MUSK: variants seen among roughly 807,000 people sequenced by gnomAD.
The protein encoded by MUSK is muscle associated receptor tyrosine kinase.
In MUSK, 55 loss-of-function variants were observed where a neutral mutation model predicts 88.7. The ratio of observed to expected loss-of-function variants is 0.62; its 90% CI spans 0.50 to 0.78. The LOEUF (loss-of-function observed/expected upper bound fraction) is 0.78, where lower values mean the gene tolerates loss of function less well. MUSK is among the 30% of genes least tolerant of loss of function. The pLI, the probability that MUSK is intolerant of heterozygous loss-of-function variation, is 0.00. For synonymous variants in MUSK, 387 were observed against 391.9 expected, an observed-to-expected ratio of 0.99 and a Z score of 0.15; for missense variants, 1,015 against 1,074.3, an observed-to-expected ratio of 0.94 and a Z score of 0.77.
At chr9:110,710,364 CAGAT>C (rs2076652550) in intron 5 of MUSK, among the ~76,000 whole-genome samples, 2 of 152,122 alleles carry the variant, frequency 1.3e-5, no homozygotes, top group African/African-American at 4.8e-5. Context: ...AAAATGGACT[CAGAT>C]AGCATATTCA....
chr9:110,784,828 G>T lies in MUSK; in HGVS notation c.1398G>T (p.Met466Ile), dbSNP rs769212099. 10 of 1,610,748 alleles carry T rather than the reference G, an allele frequency of 6.2e-6. 1 individual carries two copies. The South Asian group carries it at 1.0e-4, about 16-fold the overall frequency. The change falls in exon 12 of 15, where the codon ATG (methionine) becomes ATT (isoleucine). Residue 466 changes from methionine (M) to isoleucine (I), a missense_variant. Coordinates refer to ENST00000374448, the MANE Select transcript of MUSK (RefSeq NM_005592.4). ...CTTTACTTACAGCATTCCCACCAAT[G>T]ACGTCCTCAAAGCCAAGTGTGGACA... ...NKENLKTFPP[M>I]TSSKPSVDIP... is the part of the protein sequence containing the mutation.
intron 5 of MUSK, among the ~76,000 whole-genome samples, chr9:110,713,107 G>A (rs540664658): frequency 3.0e-4 from 46 of 152,180 alleles, no homozygotes; most frequent in Middle Eastern, 6.8e-3. Flanking sequence ...TGCAAGCACA[G>A]CCTGACACTG....
chr9:110,676,415 C>T (rs3010818), intron 1 of MUSK, among the ~76,000 whole-genome samples: 103,018 of 150,124 alleles, frequency 0.69, 36,536 homozygotes, highest in African/African-American at 0.83. Context: ...TTTTAAGTTC[C>T]GGGGTACAAG....
intron 5 of MUSK, among the ~76,000 whole-genome samples, chr9:110,716,034 C>T (rs924370446): frequency 6.7e-6 from 1 of 149,540 alleles, no homozygotes; most frequent in Non-Finnish European, 1.5e-5. Context: ...GGCTTATTAC[C>T]TAAGTGATGG....
chr9:110,751,540 G>A (rs1468530377), intron 7 of MUSK, among the ~76,000 whole-genome samples: 1 of 152,220 alleles, frequency 6.6e-6, no homozygotes, highest in Non-Finnish European at 1.5e-5. Flanking sequence ...TGCAGCAGCA[G>A]AGGTGAGTGC....
chr9:110,681,110 A>ATATATAATATATATTATATAATATATAT (rs2076125473), intron 1 of MUSK, among the ~76,000 whole-genome samples: 1 of 59,454 alleles, frequency 1.7e-5, no homozygotes, highest in African/African-American at 8.2e-5. Context: ...AATATATATT[A>ATATATAATATATATTATATAATATATAT]TATATAATAT....
chr9:110,676,017 CGTT>C (rs1272318870), intron 1 of MUSK, among the ~76,000 whole-genome samples: 5 of 151,892 alleles, frequency 3.3e-5, no homozygotes, highest in Admixed American at 6.6e-5. Context: ...TTCATTCATT[CGTT>C]GTTTAGAAAA....
chr9:110,714,837 C>G (rs2076724699), intron 5 of MUSK, among the ~76,000 whole-genome samples: 1 of 152,146 alleles, frequency 6.6e-6, no homozygotes, highest in African/African-American at 2.4e-5. Context: ...TAACAGGCAT[C>G]TCCAACTCAG....
chr9:110,784,875 C>G lies in MUSK; in HGVS notation c.1445C>G (p.Ser482Cys), dbSNP rs1320924092. Reference protein sequence around the residue: ...SVDIPNLPSSSSSSFSVSPTY... With the variant: ...SVDIPNLPSSCSSSFSVSPTY... ...GACATTCCAAATCTGCCTTCCTCCT[C>G]CTCTTCTTCCTTCTCTGTCTCACCT... Residue 482 changes from serine (S) to cysteine (C), a missense_variant, in exon 12 of 15, where the codon TCC becomes TGC. By Grantham distance (112) the Ser-to-Cys change is moderately radical. Transcript: ENST00000374448. 3.1e-6 allele frequency: 5 copies of G among 1,613,806 alleles called. No homozygotes were observed. Among genetic ancestry groups the G allele is most frequent in the Non-Finnish European group, 4.2e-6 (5 of 1,179,858 alleles).
chr9:110,717,800 G>A (rs1273410355), intron 5 of MUSK, among the ~76,000 whole-genome samples: 1 of 151,944 alleles, frequency 6.6e-6, no homozygotes, highest in Non-Finnish European at 1.5e-5. Flanking sequence ...TTCTGTCATT[G>A]TAACTATAAT....
At chr9:110,784,595 C>A (rs1412165264) in intron 11 of MUSK, among the ~76,000 whole-genome samples, 4 of 151,756 alleles carry the variant, frequency 2.6e-5, no homozygotes, top group Admixed American at 1.3e-4. Flanking sequence ...AAAAAAAAAA[C>A]CTATTTCCTC....
At chr9:110,742,585 T>G (rs1461782590) in intron 6 of MUSK, among the ~76,000 whole-genome samples, 1 of 152,234 alleles carries the variant, frequency 6.6e-6, no homozygotes, top group East Asian at 1.9e-4. Flanking sequence ...AAGATTCATA[T>G]GAGGTTATAA....
At chr9:110,781,993 C>T (rs980324650) in intron 11 of MUSK, among the ~76,000 whole-genome samples, 2 of 152,138 alleles carry the variant, frequency 1.3e-5, no homozygotes, top group Non-Finnish European at 2.9e-5. Context: ...TAGTGCCAGC[C>T]CTGAACGAGA....
intron 3 of MUSK, among the ~76,000 whole-genome samples, chr9:110,688,876 T>C (rs183512469): frequency 6.6e-6 from 1 of 150,464 alleles, no homozygotes; most frequent in Non-Finnish European, 1.5e-5. Context: ...AATGGGCATT[T>C]AGGTTGTTTG....
chr9:110,727,430 C>T (rs1182977364), intron 5 of MUSK: 1 of 152,046 alleles, frequency 6.6e-6, no homozygotes, highest in Non-Finnish European at 1.5e-5. Context: ...AAATATTCAA[C>T]ACTCACAATT....
Position 110,686,920 on chromosome 9 carries a change from T to G in MUSK, c.207-197T>G, listed in dbSNP as rs186208818. On this transcript the variant is annotated intron_variant, in intron 2 of 14. Coordinates refer to ENST00000374448, the MANE Select transcript of MUSK (RefSeq NM_005592.4). Reference sequence around the variant, plus strand: ...TGAAGGACTATGGTACTTTGACTATTGGAGCCTAAGAAAGATGAGAATATA... The same window carrying G: ...TGAAGGACTATGGTACTTTGACTATGGGAGCCTAAGAAAGATGAGAATATA... Among the ~76,000 whole-genome samples the G allele has an allele frequency of 1.0e-3, 155 of 152,292 alleles. 1 individual carries two copies. The highest frequency in any genetic ancestry group is 3.6e-3 in the African/African-American group (149 of 41,566).
At chr9:110,675,474 G>T (rs1401525209) in intron 1 of MUSK, among the ~76,000 whole-genome samples, 1 of 150,580 alleles carries the variant, frequency 6.6e-6, no homozygotes, top group East Asian at 1.9e-4. Flanking sequence ...GCCCGCCTCG[G>T]CCTCTCAAAG....
At position 110,715,883 on chromosome 9, in the gene MUSK, A is replaced by ACAC. The variant is rs1189812862; in HGVS notation, c.629-18364_629-18362dup. Among the ~76,000 whole-genome samples the ACAC allele has an allele frequency of 2.1e-4, 31 of 149,432 alleles. 2 individuals carry two copies. Among genetic ancestry groups the ACAC allele is most frequent in the African/African-American group, 7.9e-4 (31 of 39,224 alleles). On this transcript the variant is annotated intron_variant, in intron 5 of 14. Coordinates refer to ENST00000374448, the MANE Select transcript of MUSK (RefSeq NM_005592.4). ...AACTAACACAGGAACACAAAACCAA[A>ACAC]CACCACATGTTGTCACTTATAAGTG...
chr9:110,800,495 C>T lies in MUSK; in HGVS notation c.2117C>T (p.Ala706Val), dbSNP rs1342857250. Residue 706 changes from alanine to valine, a missense_variant, in exon 15 of 15, where the codon GCC becomes GTC. Ala to Val is a moderately conservative substitution (Grantham distance 64). Transcript: ENST00000374448. Reference protein sequence around the residue: ...PLSCAEQLCIARQVAAGMAYL... With the variant: ...PLSCAEQLCIVRQVAAGMAYL... ...TCCTGTGCTGAGCAGCTTTGCATTGCCAGGCAGGTGGCAGCTGGCATGGCT... is the reference window on the plus strand; with the variant it reads ...TCCTGTGCTGAGCAGCTTTGCATTGTCAGGCAGGTGGCAGCTGGCATGGCT... The T allele has an allele frequency of 6.2e-7, 1 of 1,613,866 alleles. No individual in the cohort carries two copies. Among genetic ancestry groups the T allele is most frequent in the Non-Finnish European group, 8.5e-7 (1 of 1,179,860 alleles).
Sources: allele counts gnomAD v4.1 joint callset (sites outside exome capture counted in the v4.1 genomes callset), GRCh38; gene constraint gnomAD v4.1.1; transcripts MANE v1.5; gene names NCBI Gene and HGNC (gene_info 2026-07-23, HGNC 2026-07-21).